The following SYNDIG1L variants were observed in gnomAD, a reference collection of about 807,000 sequenced individuals.
The protein encoded by SYNDIG1L is synapse differentiation inducing 1 like.
A neutral mutation model predicts 20.1 loss-of-function variants in SYNDIG1L; 13 were observed. That is an observed-to-expected ratio of 0.65 (90% CI 0.42 to 1.03). The LOEUF is 1.03. Among genes scored for constraint, SYNDIG1L ranks in the 50% least tolerant of loss-of-function variants. The probability of loss-of-function intolerance (pLI) is 0.00; values close to 1 mark genes in which losing one functional copy is unlikely to be tolerated. For missense variants in SYNDIG1L, 294 were observed against 305.1 expected (o/e 0.96, Z 0.27); for synonymous variants, 128 against 129.3 (o/e 0.99, Z 0.07).
chr14:74,455,565 G>A, the SYNDIG1L span, among the ~76,000 whole-genome samples: 736 of 152,150 alleles, frequency 4.8e-3, 7 homozygotes, highest in African/African-American at 0.017. Context: ...GATTACAGGC[G>A]CCTGCCACCA....
At chr14:74,473,009 A>C in the SYNDIG1L span, among the ~76,000 whole-genome samples, 1 of 152,218 alleles carries the variant, frequency 6.6e-6, no homozygotes, top group African/African-American at 2.4e-5. Flanking sequence ...TCAGGTCCAG[A>C]GTAAATTAAG....
chr14:74,458,067 T>C, the SYNDIG1L span, among the ~76,000 whole-genome samples: 3 of 152,296 alleles, frequency 2.0e-5, no homozygotes, highest in South Asian at 2.1e-4. Context: ...CCCAAAGTGC[T>C]GGGATTACGG....
the SYNDIG1L span, among the ~76,000 whole-genome samples, chr14:74,467,243 G>C: frequency 1.3e-5 from 2 of 152,158 alleles, no homozygotes; most frequent in Admixed American, 1.3e-4. Context: ...CTGGGATTAC[G>C]GGTGTGAGCC....
chr14:74,449,515 C>A, the SYNDIG1L span, among the ~76,000 whole-genome samples: 1 of 120,994 alleles, frequency 8.3e-6, no homozygotes, highest in African/African-American at 3.2e-5. Flanking sequence ...AGGAGGCTGA[C>A]ATGGAAGGAT....
At chr14:74,441,658 G>C in the SYNDIG1L span, among the ~76,000 whole-genome samples, 2 of 151,908 alleles carry the variant, frequency 1.3e-5, no homozygotes, top group Non-Finnish European at 2.9e-5. Flanking sequence ...GGTGAGTGCC[G>C]CCATGCTTGG....
chr14:74,426,507 G>T (rs2086268009), upstream of SYNDIG1L, among the ~76,000 whole-genome samples: 1 of 152,176 alleles, frequency 6.6e-6, no homozygotes, highest in African/African-American at 2.4e-5. Flanking sequence ...GCTTCTTGAA[G>T]CATTTTGGAG....
the SYNDIG1L span, among the ~76,000 whole-genome samples, chr14:74,436,095 C>A: frequency 6.6e-6 from 1 of 152,070 alleles, no homozygotes; most frequent in Non-Finnish European, 1.5e-5. Flanking sequence ...CTCTGGCCAG[C>A]AAAGACGGGA....
chr14:74,421,509 G>A (rs1466145139), intron 1 of SYNDIG1L, among the ~76,000 whole-genome samples: 1 of 152,076 alleles, frequency 6.6e-6, no homozygotes, highest in Non-Finnish European at 1.5e-5. Flanking sequence ...AGTGTTTCCT[G>A]AACTAAAAAA....
At chr14:74,476,742 T>A in the SYNDIG1L span, 1 of 613,466 alleles carries the variant, frequency 1.6e-6, no homozygotes, top group Non-Finnish European at 2.8e-6. Flanking sequence ...CCACCCCTTT[T>A]TAGGAACCAA....
chr14:74,464,424 G>A, the SYNDIG1L span, among the ~76,000 whole-genome samples: 1 of 152,226 alleles, frequency 6.6e-6, no homozygotes, highest in South Asian at 2.1e-4. Flanking sequence ...TTGGTGGCAA[G>A]AACTATGTTT....
At chr14:74,443,854 T>A in the SYNDIG1L span, among the ~76,000 whole-genome samples, 1 of 151,830 alleles carries the variant, frequency 6.6e-6, no homozygotes, top group Non-Finnish European at 1.5e-5. Flanking sequence ...GAGTGAGGGG[T>A]CAGGGGGATG....
the SYNDIG1L span, among the ~76,000 whole-genome samples, chr14:74,442,680 G>C: frequency 0.13 from 19,921 of 152,168 alleles, 2,715 homozygotes; most frequent in African/African-American, 0.34. Flanking sequence ...ATGAGTTTAG[G>C]CACAATGGCT....
At chr14:74,414,306 C>T (rs2086157650) in intron 1 of SYNDIG1L, among the ~76,000 whole-genome samples, 1 of 152,186 alleles carries the variant, frequency 6.6e-6, no homozygotes, top group African/African-American at 2.4e-5. Context: ...TATGAGAGGT[C>T]TGGAATTCTG....
chr14:74,466,601 C>T, the SYNDIG1L span, among the ~76,000 whole-genome samples: 1 of 152,186 alleles, frequency 6.6e-6, no homozygotes, highest in Non-Finnish European at 1.5e-5. Flanking sequence ...TCCCCAGCCT[C>T]CCCCTTCATG....
At chr14:74,443,407 A>T in the SYNDIG1L span, among the ~76,000 whole-genome samples, 4 of 152,188 alleles carry the variant, frequency 2.6e-5, no homozygotes, top group African/African-American at 7.2e-5. Context: ...AGAACTGTGG[A>T]TGAGGAGTGG....
At chr14:74,439,468 T>G in the SYNDIG1L span, among the ~76,000 whole-genome samples, 1 of 152,220 alleles carries the variant, frequency 6.6e-6, no homozygotes, top group Non-Finnish European at 1.5e-5. Flanking sequence ...GGCTTGAGTG[T>G]GAACAGGGAA....
At position 74,413,308 on chromosome 14, in the gene SYNDIG1L, A is replaced by G. The variant is rs370895295; in HGVS notation, c.-57-3507T>C. Among the ~76,000 whole-genome samples, 6 of 152,312 alleles carry G rather than the reference A, an allele frequency of 3.9e-5. 1 individual carries two copies. The East Asian group carries it at 5.8e-4, about 15-fold the overall frequency. Reference sequence around the variant, plus strand: ...CTCAGCACTTCATGCACAAAGACACATGGTCCTGGCTTTACACAATATGAA... The same window carrying G: ...CTCAGCACTTCATGCACAAAGACACGTGGTCCTGGCTTTACACAATATGAA... On this transcript the variant is annotated intron_variant, in intron 1 of 3. Coordinates refer to ENST00000331628, the MANE Select transcript of SYNDIG1L (RefSeq NM_001105579.2).
chr14:74,473,732 A>G, the SYNDIG1L span, among the ~76,000 whole-genome samples: 1 of 152,240 alleles, frequency 6.6e-6, no homozygotes, highest in Non-Finnish European at 1.5e-5. Flanking sequence ...TGCCTGGCAC[A>G]TAATAGGTGC....
chr14:74,463,604 A>G, the SYNDIG1L span, among the ~76,000 whole-genome samples: 4 of 152,144 alleles, frequency 2.6e-5, no homozygotes, highest in African/African-American at 9.7e-5. Context: ...TTAAGAAGAA[A>G]TAAGGATACA....
Sources: allele counts gnomAD v4.1 joint callset (sites outside exome capture counted in the v4.1 genomes callset), GRCh38; gene constraint gnomAD v4.1.1; transcripts MANE v1.5; gene names NCBI Gene and HGNC (gene_info 2026-07-23, HGNC 2026-07-21).